Variants in SARNP observed in about 807,000 individuals in gnomAD.
SARNP encodes the protein SAP domain containing ribonucleoprotein, also known as SAP domain-containing ribonucleoprotein.
A neutral mutation model predicts 38.1 loss-of-function variants in SARNP; 5 were observed. That is an observed-to-expected ratio of 0.13 (90% CI 0.07 to 0.28). The LOEUF is 0.28. Ranked by LOEUF, SARNP falls within the 10% of genes least tolerant of loss-of-function variation. The pLI, the probability that SARNP is intolerant of heterozygous loss-of-function variation, is 1.00. For synonymous variants in SARNP, 84 were observed against 80.6 expected, an observed-to-expected ratio of 1.04 and a Z score of -0.23; for missense variants, 180 against 243.9, an observed-to-expected ratio of 0.74 and a Z score of 1.75.
chr12:55,805,061 A>T (rs1880097847), intron 1 of SARNP, among the ~76,000 whole-genome samples: 1 of 150,916 alleles, frequency 6.6e-6, no homozygotes, highest in Non-Finnish European at 1.5e-5. Context: ...TAGAAGATCG[A>T]GACCATCCTG....
At chr12:55,802,800 A>G (rs1357980318) in intron 2 of SARNP, among the ~76,000 whole-genome samples, 1 of 151,734 alleles carries the variant, frequency 6.6e-6, no homozygotes, top group Non-Finnish European at 1.5e-5. Flanking sequence ...GCTTGGTGGC[A>G]ATAAAATTTT....
At position 55,785,933 on chromosome 12, in the gene SARNP, C is replaced by T. The variant is rs377445904; in HGVS notation, c.501+3142G>A. On this transcript the variant is annotated intron_variant, in intron 9 of 10. Coordinates refer to ENST00000336133, the MANE Select transcript of SARNP (RefSeq NM_033082.4). Reference sequence around the variant, plus strand: ...GGATTTCAGGCATGAGCCACTGCACCTGGCCCTGTATCCAATTATTTACTC... The same window carrying T: ...GGATTTCAGGCATGAGCCACTGCACTTGGCCCTGTATCCAATTATTTACTC... Among the ~76,000 whole-genome samples the T allele has an allele frequency of 4.8e-4, 73 of 152,242 alleles. 1 individual carries two copies. The South Asian group carries it at 0.015, about 30-fold the overall frequency.
chr12:55,790,634 C>T, intron 7 of SARNP, 42 bp from the exon 8 acceptor site: 2 of 1,446,226 alleles, frequency 1.4e-6, no homozygotes, highest in South Asian at 1.4e-5. Context: ...TTTTAAAAGT[C>T]ATCAAAGCCA....
chr12:55,772,941 C>A (rs1879054553), intron 9 of SARNP, among the ~76,000 whole-genome samples: 1 of 152,118 alleles, frequency 6.6e-6, no homozygotes, highest in South Asian at 2.1e-4. Context: ...TCTCTAACTT[C>A]CAATCTCAGG....
At chr12:55,768,267 A>G (rs1878904446) in intron 9 of SARNP, among the ~76,000 whole-genome samples, 1 of 151,632 alleles carries the variant, frequency 6.6e-6, no homozygotes, top group African/African-American at 2.4e-5. Flanking sequence ...CTGGGATTAC[A>G]GGTGCCTGCC....
intron 9 of SARNP, among the ~76,000 whole-genome samples, chr12:55,779,186 T>C (rs1229719832): frequency 6.6e-6 from 1 of 152,214 alleles, no homozygotes; most frequent in African/African-American, 2.4e-5. Context: ...TTGGTTAATC[T>C]AAGTTGAAAA....
chr12:55,769,830 A>C (rs1878952900), intron 9 of SARNP, among the ~76,000 whole-genome samples: 1 of 152,234 alleles, frequency 6.6e-6, no homozygotes. Context: ...GATTTTGCCC[A>C]ACTGCAGACT....
chr12:55,787,728 G>A (rs1253171331), intron 9 of SARNP, among the ~76,000 whole-genome samples: 3 of 150,606 alleles, frequency 2.0e-5, no homozygotes, highest in East Asian at 2.0e-4. Context: ...GGTGGTGCTC[G>A]ACTGATTTTT....
chr12:55,773,228 T>C (rs1406912923), intron 9 of SARNP, among the ~76,000 whole-genome samples: 1 of 152,214 alleles, frequency 6.6e-6, no homozygotes. Flanking sequence ...CTGTATTTTT[T>C]AAAGGGTCCC....
intron 9 of SARNP, among the ~76,000 whole-genome samples, chr12:55,786,615 A>G (rs546732164): frequency 1.3e-5 from 2 of 152,036 alleles, no homozygotes; most frequent in South Asian, 2.1e-4. Flanking sequence ...GCGCCTGGCT[A>G]ATTTTTTGTA....
At chr12:55,817,090 A>G (rs1880511906) in intron 1 of SARNP, among the ~76,000 whole-genome samples, 1 of 152,322 alleles carries the variant, frequency 6.6e-6, no homozygotes, top group South Asian at 2.1e-4. Context: ...AGACCTCCTC[A>G]ACCCCAGGCT....
chr12:55,812,877 A>G (rs1013297553), intron 1 of SARNP, among the ~76,000 whole-genome samples: 46 of 152,356 alleles, frequency 3.0e-4, no homozygotes, highest in African/African-American at 1.1e-3. Flanking sequence ...TGAGCAAAAC[A>G]TAAGAGTCCT....
At chr12:55,782,085 A>G (rs1879356513) in intron 9 of SARNP, among the ~76,000 whole-genome samples, 1 of 152,206 alleles carries the variant, frequency 6.6e-6, no homozygotes, top group Non-Finnish European at 1.5e-5. Context: ...TAAACCTGGG[A>G]AAAGTATCCT....
intron 9 of SARNP, among the ~76,000 whole-genome samples, chr12:55,769,820 G>A (rs970365440): frequency 5.3e-5 from 8 of 152,332 alleles, no homozygotes; most frequent in African/African-American, 1.9e-4. Context: ...TGTGTTAGAT[G>A]ATTTTGCCCA....
chr12:55,774,892 T>TG (rs1341823835), intron 9 of SARNP, among the ~76,000 whole-genome samples: 1 of 147,490 alleles, frequency 6.8e-6, no homozygotes, highest in African/African-American at 2.5e-5. Context: ...TGTTTTTTTT[T>TG]TTTTTTTTTT....
chr12:55,774,870 C>T (rs2136185989), intron 9 of SARNP, among the ~76,000 whole-genome samples: 1 of 149,798 alleles, frequency 6.7e-6, no homozygotes, highest in African/African-American at 2.5e-5. Flanking sequence ...ACCCTGAAAA[C>T]ACATTTCTAT....
At chr12:55,794,326 G>GT in intron 7 of SARNP, 33 bp downstream of exon 7, 2 of 1,570,294 alleles carry the variant, frequency 1.3e-6, no homozygotes, top group Non-Finnish European at 1.7e-6. Context: ...GAATAAAAAG[G>GT]TAACTTTCTC....
At chr12:55,758,678 C>T (rs1878587337) in intron 10 of SARNP, among the ~76,000 whole-genome samples, 1 of 151,960 alleles carries the variant, frequency 6.6e-6, no homozygotes, top group South Asian at 2.1e-4. Flanking sequence ...AAAGCATCAT[C>T]CTGTTGGTAC....
rs550148665 is a variant in SARNP, at chr12:55,808,178, C to T, written c.37-4450G>A. On this transcript the variant is annotated intron_variant, in intron 1 of 10. Transcript: ENST00000336133. ...GACGTTATTTTAAAAGGAAAATAGACATTATTTTAAAAGGAAAATAGAGGC... is the reference window on the plus strand; with the variant it reads ...GACGTTATTTTAAAAGGAAAATAGATATTATTTTAAAAGGAAAATAGAGGC... Among the ~76,000 whole-genome samples, 5 of 152,192 alleles carry T rather than the reference C, an allele frequency of 3.3e-5. No homozygotes were observed. In the Middle Eastern group the frequency reaches 0.014, roughly 414 times the overall value.
Sources: gnomAD v4.1 joint callset for allele counts (sites outside exome capture counted in the v4.1 genomes callset) on GRCh38, gnomAD v4.1.1 for gene constraint, MANE v1.5 for transcripts, NCBI Gene and HGNC (gene_info 2026-07-23, HGNC 2026-07-21) for gene names.